The following LINGO2 variants were observed in gnomAD, a reference collection of about 807,000 sequenced individuals.
The protein encoded by LINGO2 is leucine-rich repeat and immunoglobulin-like domain-containing nogo receptor-interacting protein 2.
Under a neutral mutation model 30.6 loss-of-function variants are expected in LINGO2, and 14 were observed. That is an observed-to-expected ratio of 0.46 (90% CI 0.30 to 0.72). LINGO2 has a LOEUF of 0.72. Among genes scored for constraint, LINGO2 ranks in the 30% least tolerant of loss-of-function variants. LINGO2 has a pLI of 0.07. For synonymous variants in LINGO2, 317 were observed against 288.5 expected (o/e 1.10, Z -1.00); for missense variants, 729 against 751.7 (o/e 0.97, Z 0.35).
chr9:28,427,130 C>G (rs908696480), intron 2 of LINGO2, among the ~76,000 whole-genome samples: 2 of 152,026 alleles, frequency 1.3e-5, no homozygotes, highest in African/African-American at 4.8e-5. Flanking sequence ...CATTTAAAAA[C>G]CGCACATGAG....
chr9:28,748,670 TTTG>T, the LINGO2 span, among the ~76,000 whole-genome samples: 2 of 151,930 alleles, frequency 1.3e-5, no homozygotes. Context: ...TCCTTAAGGG[TTTG>T]TTGTTGTTGT....
At chr9:29,052,439 G>A in the LINGO2 span, among the ~76,000 whole-genome samples, 2 of 152,026 alleles carry the variant, frequency 1.3e-5, no homozygotes, top group Admixed American at 6.6e-5. Flanking sequence ...CATCTCCAAG[G>A]GCAGGAGAGT....
the LINGO2 span, among the ~76,000 whole-genome samples, chr9:28,935,672 T>A: frequency 2.1e-4 from 31 of 148,494 alleles, no homozygotes; most frequent in African/African-American, 7.4e-4. Flanking sequence ...TGTTATAGAG[T>A]CATAAGAGGA....
intron 4 of LINGO2, among the ~76,000 whole-genome samples, chr9:28,268,044 G>C (rs1403730865): frequency 6.6e-6 from 1 of 151,978 alleles, no homozygotes; most frequent in Admixed American, 6.6e-5. Context: ...ACTATTTAAA[G>C]GTCAATATCA....
intron 3 of LINGO2, among the ~76,000 whole-genome samples, chr9:28,334,323 C>G (rs1283480929): frequency 6.6e-6 from 1 of 152,068 alleles, no homozygotes; most frequent in Non-Finnish European, 1.5e-5. Flanking sequence ...AACTAGGGAA[C>G]TAAATAATGG....
chr9:29,085,118 C>T, the LINGO2 span, among the ~76,000 whole-genome samples: 1 of 151,312 alleles, frequency 6.6e-6, no homozygotes, highest in East Asian at 1.9e-4. Flanking sequence ...GAATTTGTTC[C>T]TAAATCGATC....
chr9:28,488,255 GA>G (rs1826252389), intron 1 of LINGO2, among the ~76,000 whole-genome samples: 1 of 152,068 alleles, frequency 6.6e-6, no homozygotes, highest in Non-Finnish European at 1.5e-5. Context: ...AGTGCCTGCA[GA>G]ACTCTAAAAA....
Position 28,650,942 on chromosome 9 carries a change from G to C in LINGO2, c.-365+19258C>G, listed in dbSNP as rs188888005. Among the ~76,000 whole-genome samples the C allele has an allele frequency of 9.4e-3, 1,438 of 152,254 alleles. 21 individuals carry two copies. Among genetic ancestry groups the C allele is most frequent in the African/African-American group, 0.033 (1,383 of 41,562 alleles). ...GCGATGGCTTACGCCTGTAATCCCA[G>C]CACTTTGGGAGGCTGAGGTGGGCGG... is the stretch of plus-strand genomic sequence containing the variant. On this transcript the variant is annotated intron_variant, in intron 1 of 5. Transcript: ENST00000379992.
rs1456081879 is a variant in LINGO2 at position 28,554,490 on chromosome 9, C to A, written c.-364-78465G>T. Among the ~76,000 whole-genome samples the A allele has an allele frequency of 4.8e-5, 7 of 146,960 alleles. No individual in the cohort carries two copies. In the East Asian group the frequency reaches 1.4e-3, roughly 29 times the overall value. ...TGCACCCAATACAGGAGCACCCAGA[C>A]TCATAAAGCAAGTCCTGAGTGACCT... On this transcript the variant is annotated intron_variant, in intron 1 of 5. Coordinates refer to ENST00000379992, the Ensembl canonical transcript of LINGO2.
At chr9:28,993,953 G>T in the LINGO2 span, among the ~76,000 whole-genome samples, 237 of 151,080 alleles carry the variant, frequency 1.6e-3, no homozygotes, top group African/African-American at 5.5e-3. Flanking sequence ...TTTGAAAAGT[G>T]GCACAAGACA....
intron 4 of LINGO2, among the ~76,000 whole-genome samples, chr9:28,045,111 C>T (rs923969965): frequency 6.6e-6 from 1 of 151,860 alleles, no homozygotes; most frequent in African/African-American, 2.4e-5. Context: ...GACTTTTTCC[C>T]CCCCATCCTT....
chr9:27,983,888 C>A (rs926497986), intron 5 of LINGO2, among the ~76,000 whole-genome samples: 1 of 151,872 alleles, frequency 6.6e-6, no homozygotes, highest in African/African-American at 2.4e-5. Context: ...CCAGAAATTT[C>A]TGGCAAGGTC....
intron 2 of LINGO2, among the ~76,000 whole-genome samples, chr9:28,418,785 G>T (rs1256600289): frequency 6.6e-6 from 1 of 151,940 alleles, no homozygotes; most frequent in African/African-American, 2.4e-5. Context: ...GGAAATTTTT[G>T]ATTGCAAAAG....
At chr9:28,314,005 C>T (rs1056002168) in intron 3 of LINGO2, among the ~76,000 whole-genome samples, 2 of 152,048 alleles carry the variant, frequency 1.3e-5, no homozygotes, top group Non-Finnish European at 2.9e-5. Flanking sequence ...GCGATCTTGG[C>T]TCACTGCAGG....
chr9:28,900,135 C>A, the LINGO2 span, among the ~76,000 whole-genome samples: 35 of 152,098 alleles, frequency 2.3e-4, no homozygotes, highest in African/African-American at 8.0e-4. Context: ...CAGGCCAGTA[C>A]CCACCATACC....
intron 1 of LINGO2, among the ~76,000 whole-genome samples, chr9:28,476,432 C>T (rs1322708881): frequency 2.0e-5 from 3 of 152,074 alleles, no homozygotes; most frequent in East Asian, 3.9e-4. Flanking sequence ...CCCGCCACCA[C>T]GCCCGGCTAA....
chr9:29,014,125 T>C, the LINGO2 span, among the ~76,000 whole-genome samples: 5 of 152,320 alleles, frequency 3.3e-5, no homozygotes, highest in East Asian at 9.6e-4. Flanking sequence ...GCAGCATATA[T>C]GTTATAGAGG....
chr9:29,031,248 G>A, the LINGO2 span, among the ~76,000 whole-genome samples: 1 of 55,046 alleles, frequency 1.8e-5, no homozygotes, highest in Non-Finnish European at 4.3e-5. Context: ...GTAACAAAGT[G>A]GTGGTGGTGG....
intron 4 of LINGO2, among the ~76,000 whole-genome samples, chr9:28,250,289 A>G (rs1289355504): frequency 6.6e-6 from 1 of 152,208 alleles, no homozygotes; most frequent in Non-Finnish European, 1.5e-5. Context: ...ATTTCTGCCA[A>G]GTACAGTTAC....
Sources: allele counts gnomAD v4.1 joint callset (sites outside exome capture counted in the v4.1 genomes callset), GRCh38; gene constraint gnomAD v4.1.1; transcripts MANE v1.5; gene names NCBI Gene and HGNC (gene_info 2026-07-23, HGNC 2026-07-21).